HRH4: variants seen among roughly 807,000 people sequenced by gnomAD.
The protein encoded by HRH4 is histamine receptor H4.
In HRH4, 12 loss-of-function variants were observed where a neutral mutation model predicts 10.4. The ratio of observed to expected loss-of-function variants is 1.15; its 90% CI spans 0.74 to 1.87. The LOEUF is 1.87. Ranked by LOEUF, HRH4 falls within the 40% of genes most tolerant of loss-of-function variation. The probability of loss-of-function intolerance (pLI) is 0.00; values close to 1 mark genes in which losing one functional copy is unlikely to be tolerated. For synonymous variants in HRH4, 154 were observed against 166.6 expected (o/e 0.92, Z 0.58); for missense variants, 415 against 453.3 (o/e 0.92, Z 0.77).
rs1910106542 is a variant in HRH4, at chr18:24,475,308, T to C, written c.358-1439T>C. ...TGTCACAGCTTTGACATTGTATTTG[T>C]CAGGTGGAAACACTTGCATCAAGAA... On this transcript the variant is annotated intron_variant, in intron 2 of 2. Coordinates refer to ENST00000256906, the MANE Select transcript of HRH4 (RefSeq NM_021624.4). Among the ~76,000 whole-genome samples, 4 of 135,540 alleles carry C rather than the reference T, an allele frequency of 3.0e-5. No individual in the cohort carries two copies. The South Asian group carries it at 8.7e-4, about 30-fold the overall frequency. 88.9% of individuals were successfully genotyped at this position (135,540 alleles called of 152,430 possible). A position where few individuals can be genotyped will look rare whatever the true frequency, so the allele number is the denominator to read the frequency against.
At chr18:24,476,136 C>A (rs1910126122) in intron 2 of HRH4, among the ~76,000 whole-genome samples, 1 of 152,156 alleles carries the variant, frequency 6.6e-6, no homozygotes, top group Non-Finnish European at 1.5e-5. Flanking sequence ...AGAGTAGATT[C>A]TTTCTGTATA....
chr18:24,466,135 C>G (rs1185549330), intron 1 of HRH4, among the ~76,000 whole-genome samples: 2 of 151,706 alleles, frequency 1.3e-5, no homozygotes, highest in Middle Eastern at 3.4e-3. Flanking sequence ...ATTTTTGAGG[C>G]AGGGTCTCAC....
chr18:24,460,880 G>C lies in HRH4; in HGVS notation c.152G>C (p.Ser51Thr). The C allele has an allele frequency of 6.3e-7, 1 of 1,583,840 alleles. No individual in the cohort carries two copies. Among genetic ancestry groups the C allele is most frequent in the Non-Finnish European group, 8.6e-7 (1 of 1,158,638 alleles). ...GACAAAAACCTTAGACATCGAAGTA[G>C]TTATTTTTTTCTTAACTTGGCCATC... ...VVDKNLRHRSSYFFLNLAISD... is the reference protein window; with the variant it reads ...VVDKNLRHRSTYFFLNLAISD... The change falls in exon 1 of 3, where the codon AGT becomes ACT. Residue 51 changes from serine (S) to threonine (T), a missense_variant. Coordinates refer to ENST00000256906, the MANE Select transcript of HRH4 (RefSeq NM_021624.4).
At chr18:24,464,068 A>G (rs1909711380) in intron 1 of HRH4, among the ~76,000 whole-genome samples, 1 of 152,196 alleles carries the variant, frequency 6.6e-6, no homozygotes. Flanking sequence ...TCAGGATGGC[A>G]GAATTTATCT....
In HRH4 at chr18:24,474,302, G is replaced by A. The variant is rs565904478; in HGVS notation, c.358-2445G>A. On this transcript the variant is annotated intron_variant, in intron 2 of 2. Coordinates refer to ENST00000256906, the MANE Select transcript of HRH4 (RefSeq NM_021624.4). ...TATCGCATGTGAGAGCTCATGGTCA[G>A]CACCATATGCATTTTAGCTTAGCCT... Among the ~76,000 whole-genome samples the A allele has an allele frequency of 4.6e-5, 7 of 151,620 alleles. No homozygotes were observed. In the South Asian group the frequency reaches 1.5e-3, roughly 32 times the overall value.
At position 24,477,719 on chromosome 18, in the gene HRH4, T is replaced by C; in HGVS notation, c.*157T>C. 1 of 534,920 alleles carries C rather than the reference T, an allele frequency of 1.9e-6. No homozygotes were observed. Among genetic ancestry groups the C allele is most frequent in the Non-Finnish European group, 3.2e-6 (1 of 307,748 alleles). The allele number at this position is 534,920 out of a possible 1,614,324, so 33.1% of individuals were successfully genotyped here. On this transcript the variant is annotated 3_prime_UTR_variant, in exon 3 of 3. Transcript: ENST00000256906. The stretch of plus-strand genomic sequence containing the variant: ...ATAATAGCAGTATAATATGACTTGA[T>C]AATATTTTTGTAAACTTGTAGTCAT...
intron 2 of HRH4, among the ~76,000 whole-genome samples, chr18:24,471,480 G>T (rs902477666): frequency 6.6e-6 from 1 of 151,410 alleles, no homozygotes; most frequent in Non-Finnish European, 1.5e-5. Flanking sequence ...GGTGGCGCTT[G>T]CCTGTAATCC....
Position 24,477,722 on chromosome 18 carries a change from T to C in HRH4, c.*160T>C, listed in dbSNP as rs1164108944. 1 of 531,762 alleles carries C rather than the reference T, an allele frequency of 1.9e-6. No homozygotes were observed. Among genetic ancestry groups the C allele is most frequent in the East Asian group, 2.9e-5 (1 of 34,940 alleles). The allele number at this position is 531,762 out of a possible 1,614,324, so 32.9% of individuals were successfully genotyped here. A position where few individuals can be genotyped will look rare whatever the true frequency, so the allele number is the denominator to read the frequency against. On this transcript the variant is annotated 3_prime_UTR_variant, in exon 3 of 3. Coordinates refer to ENST00000256906, the MANE Select transcript of HRH4 (RefSeq NM_021624.4). ...ATAGCAGTATAATATGACTTGATAA[T>C]ATTTTTGTAAACTTGTAGTCATAAT...
At chr18:24,470,597 A>T (rs753385912) in intron 2 of HRH4, among the ~76,000 whole-genome samples, 3 of 146,006 alleles carry the variant, frequency 2.1e-5, no homozygotes, top group Non-Finnish European at 4.4e-5. Flanking sequence ...TCTGCCTCCC[A>T]GGTTCAAGTG....
At chr18:24,461,820 C>T (rs1909649478) in intron 1 of HRH4, among the ~76,000 whole-genome samples, 3 of 149,290 alleles carry the variant, frequency 2.0e-5, no homozygotes, top group Non-Finnish European at 3.0e-5. Flanking sequence ...ATCTAGGTCA[C>T]AAATGTTAGT....
At chr18:24,462,854 A>G (rs1044921674) in intron 1 of HRH4, among the ~76,000 whole-genome samples, 1 of 152,240 alleles carries the variant, frequency 6.6e-6, no homozygotes, top group Non-Finnish European at 1.5e-5. Flanking sequence ...CTGTGCTCCC[A>G]TAAACATGTA....
intron 1 of HRH4, among the ~76,000 whole-genome samples, chr18:24,465,441 G>C (rs569476425): frequency 6.6e-6 from 1 of 152,252 alleles, no homozygotes; most frequent in South Asian, 2.1e-4. Context: ...GGGATGGAGT[G>C]ATTGAGGGGT....
Position 24,477,220 on chromosome 18 carries a change from T to A in HRH4, c.831T>A (p.Gly277=), listed in dbSNP as rs1910165808. The A allele has an allele frequency of 1.2e-6, 2 of 1,614,082 alleles. No individual in the cohort carries two copies. The highest frequency in any genetic ancestry group is 8.5e-7 in the Non-Finnish European group (1 of 1,180,018). The change falls in exon 3 of 3, where the codon GGT becomes GGA. Residue 277 remains glycine (G), a synonymous_variant. Transcript: ENST00000256906. ...GCAATACAATTGCTTCCAAAATGGGTTCCTTCTCCCAATCAGATTCTGTAG... is the reference window on the plus strand; with the variant it reads ...GCAATACAATTGCTTCCAAAATGGGATCCTTCTCCCAATCAGATTCTGTAG... ...MNSNTIASKM[G]SFSQSDSVAL...
intron 1 of HRH4, among the ~76,000 whole-genome samples, 160 bp downstream of exon 1, chr18:24,461,081 G>C (rs1909626124): frequency 6.6e-6 from 1 of 152,146 alleles, no homozygotes; most frequent in Non-Finnish European, 1.5e-5. Context: ...ATATGGCACT[G>C]TAAGGGAATG....
intron 1 of HRH4, among the ~76,000 whole-genome samples, chr18:24,461,886 G>A (rs1248492682): frequency 1.3e-5 from 2 of 151,792 alleles, no homozygotes; most frequent in South Asian, 2.1e-4. Flanking sequence ...AGGTAATCAA[G>A]GGATCTATAG....
At chr18:24,475,782 C>T (rs1427603693) in intron 2 of HRH4, among the ~76,000 whole-genome samples, 3 of 152,078 alleles carry the variant, frequency 2.0e-5, no homozygotes, top group Non-Finnish European at 2.9e-5. Flanking sequence ...CTGAGGTGGG[C>T]AGATCACCTG....
At chr18:24,463,798 G>A (rs1165488539) in intron 1 of HRH4, among the ~76,000 whole-genome samples, 1 of 152,146 alleles carries the variant, frequency 6.6e-6, no homozygotes, top group Non-Finnish European at 1.5e-5. Context: ...GATTTATTGA[G>A]GAAAAATTCT....
intron 2 of HRH4, among the ~76,000 whole-genome samples, chr18:24,471,015 T>A (rs1909929008): frequency 6.6e-6 from 1 of 151,492 alleles, no homozygotes; most frequent in South Asian, 2.1e-4. Context: ...TGGTCCCATC[T>A]CGCCACAAAG....
At chr18:24,462,007 G>T (rs1433431212) in intron 1 of HRH4, among the ~76,000 whole-genome samples, 8 of 152,190 alleles carry the variant, frequency 5.3e-5, no homozygotes. Flanking sequence ...GAAGACCTAA[G>T]AAGTGCTATG....
Sources: gnomAD v4.1 joint callset for allele counts (sites outside exome capture counted in the v4.1 genomes callset) on GRCh38, gnomAD v4.1.1 for gene constraint, MANE v1.5 for transcripts, NCBI Gene and HGNC (gene_info 2026-07-23, HGNC 2026-07-21) for gene names.